Variants in LIMD1 observed in about 807,000 individuals in gnomAD.
The protein encoded by LIMD1 is LIM domain-containing protein 1.
A neutral mutation model predicts 58.4 loss-of-function variants in LIMD1; 23 were observed. That is an observed-to-expected ratio of 0.39 (90% CI 0.28 to 0.56). LIMD1 has a LOEUF of 0.56. LIMD1 is among the 20% of genes least tolerant of loss of function. The pLI, the probability that LIMD1 is intolerant of heterozygous loss-of-function variation, is 0.57. For synonymous variants in LIMD1, 334 were observed against 345.5 expected (o/e 0.97, Z 0.37); for missense variants, 838 against 855.5 (o/e 0.98, Z 0.25).
At chr3:45,611,750 G>A (rs1701526036) in intron 1 of LIMD1, among the ~76,000 whole-genome samples, 1 of 152,200 alleles carries the variant, frequency 6.6e-6, no homozygotes, top group South Asian at 2.1e-4. Context: ...CATCACTGAG[G>A]CTTTGCTTGC....
intron 2 of LIMD1, among the ~76,000 whole-genome samples, chr3:45,651,928 G>A (rs1033008273): frequency 5.0e-5 from 5 of 100,778 alleles, no homozygotes; most frequent in East Asian, 3.2e-4. Context: ...CACCGCACCC[G>A]GCCTGTTATT....
chr3:45,680,537 A>C lies in LIMD1; in HGVS notation c.*3478A>C, dbSNP rs1052411524. On this transcript the variant is annotated 3_prime_UTR_variant, in exon 8 of 8. Coordinates refer to ENST00000273317, the MANE Select transcript of LIMD1 (RefSeq NM_014240.3). ...CACCATGTTGCCCAGGATGGTCTGG[A>C]ACTCCTGGGCTCAAGTGATCTGCCC... is the stretch of plus-strand genomic sequence containing the variant. 4.6e-5 allele frequency: 7 copies of C among 152,056 alleles called. No individual in the cohort carries two copies. Among genetic ancestry groups the C allele is most frequent in the Non-Finnish European group, 8.8e-5 (6 of 68,016 alleles). 9.4% of individuals were successfully genotyped at this position (152,056 alleles called of 1,614,324 possible).
chr3:45,621,555 A>G (rs1701628639), intron 1 of LIMD1, among the ~76,000 whole-genome samples: 2 of 152,138 alleles, frequency 1.3e-5, no homozygotes, highest in Non-Finnish European at 2.9e-5. Context: ...TTTCATTATT[A>G]TAGAAACGTT....
intron 2 of LIMD1, among the ~76,000 whole-genome samples, chr3:45,640,856 G>A (rs567134908): frequency 1.3e-5 from 2 of 152,338 alleles, no homozygotes; most frequent in African/African-American, 2.4e-5. Context: ...GAGTGCAGGG[G>A]CATTGCTGTT....
At chr3:45,624,881 CTTT>C (rs59284051) in intron 1 of LIMD1, among the ~76,000 whole-genome samples, 8 of 138,428 alleles carry the variant, frequency 5.8e-5, no homozygotes, top group African/African-American at 7.9e-5. Flanking sequence ...TGCTATCTTC[CTTT>C]TTTTTTTTTT....
At chr3:45,633,091 C>T (rs1375207426) in intron 1 of LIMD1, among the ~76,000 whole-genome samples, 1 of 152,290 alleles carries the variant, frequency 6.6e-6, no homozygotes, top group Non-Finnish European at 1.5e-5. Flanking sequence ...ATGCTGATGC[C>T]TCTGAATTAC....
chr3:45,632,279 A>G (rs1051219837), intron 1 of LIMD1, among the ~76,000 whole-genome samples: 5 of 152,204 alleles, frequency 3.3e-5, no homozygotes, highest in South Asian at 4.1e-4. Context: ...TTACCAAACA[A>G]TAACCTAACT....
At chr3:45,619,398 G>A (rs1448687762) in intron 1 of LIMD1, among the ~76,000 whole-genome samples, 1 of 152,174 alleles carries the variant, frequency 6.6e-6, no homozygotes, top group Non-Finnish European at 1.5e-5. Context: ...ATAATTTTCA[G>A]TATAAATATG....
rs191820606 is a variant in LIMD1 at position 45,608,551 on chromosome 3, G to T, written c.1408+12264G>T. On this transcript the variant is annotated intron_variant, in intron 1 of 7. Coordinates refer to ENST00000273317, the MANE Select transcript of LIMD1 (RefSeq NM_014240.3). ...AGAGGCCCTGTCTCTAAGAAGTAAG[G>T]AGAATGACGCTGGGCACGTGGCTCA... Among the ~76,000 whole-genome samples the T allele has an allele frequency of 1.3e-3, 191 of 152,264 alleles. 5 individuals carry two copies. The South Asian group carries it at 0.021, about 16-fold the overall frequency.
chr3:45,604,290 C>T (rs575831995), intron 1 of LIMD1, among the ~76,000 whole-genome samples: 2 of 152,296 alleles, frequency 1.3e-5, no homozygotes, highest in Admixed American at 6.5e-5. Flanking sequence ...GATACCGTCT[C>T]GGTCCTCTGT....
chr3:45,596,334 C>G (rs1448865852), intron 1 of LIMD1, 47 bp downstream of exon 1: 1 of 1,465,858 alleles, frequency 6.8e-7, no homozygotes, highest in Non-Finnish European at 9.3e-7. Flanking sequence ...CGATGGGGTT[C>G]TTGAGATTGG....
Position 45,594,817 on chromosome 3 carries a change from A to ACACACACAC in LIMD1, c.-62_-54dup. On this transcript the variant is annotated 5_prime_UTR_variant, in exon 1 of 8. Coordinates refer to ENST00000273317, the MANE Select transcript of LIMD1 (RefSeq NM_014240.3). Reference sequence around the variant, plus strand: ...CACACACACACACACACACACACACACACACACACACACACACACACACAC... The same window carrying ACACACACAC: ...CACACACACACACACACACACACACACACACACACCACACACACACACACACACACACAC... The ACACACACAC allele has an allele frequency of 1.3e-6, 1 of 774,518 alleles. No individual in the cohort carries two copies. The highest frequency in any genetic ancestry group is 1.8e-5 in the African/African-American group (1 of 55,118). The allele number at this position is 774,518 out of a possible 1,614,324, so 48.0% of individuals were successfully genotyped here.
intron 1 of LIMD1, chr3:45,632,411 C>G: frequency 4.4e-6 from 2 of 451,372 alleles, no homozygotes; most frequent in Non-Finnish European, 5.8e-6. Flanking sequence ...ACCCATTTCT[C>G]TGTGTTTAGG....
intron 2 of LIMD1, among the ~76,000 whole-genome samples, chr3:45,653,072 A>G (rs1021095372): frequency 1.3e-5 from 2 of 152,216 alleles, no homozygotes; most frequent in African/African-American, 4.8e-5. Flanking sequence ...GTTGAATTGG[A>G]TAATAACTAC....
At chr3:45,649,847 T>G (rs1035983775) in intron 2 of LIMD1, among the ~76,000 whole-genome samples, 1 of 115,122 alleles carries the variant, frequency 8.7e-6, no homozygotes, top group African/African-American at 4.0e-5. Flanking sequence ...GAAGTTTTTT[T>G]GTTTTTTTTT....
chr3:45,617,117 T>A (rs1559515885), intron 1 of LIMD1, among the ~76,000 whole-genome samples: 1 of 149,564 alleles, frequency 6.7e-6, no homozygotes, highest in South Asian at 2.1e-4. Context: ...CACTGCAGCC[T>A]CTGCCTCTCA....
intron 2 of LIMD1, among the ~76,000 whole-genome samples, chr3:45,641,873 G>C (rs1231460093): frequency 6.6e-6 from 1 of 152,224 alleles, no homozygotes; most frequent in Admixed American, 6.5e-5. Flanking sequence ...GCAGCTAAGT[G>C]GTCTCAGAGC....
chr3:45,635,244 A>C lies in LIMD1; in HGVS notation c.1409-906A>C, dbSNP rs554260355. 1.8e-4 allele frequency among the ~76,000 whole-genome samples: 27 copies of C among 152,022 alleles called. 1 individual carries two copies. The South Asian group carries it at 5.4e-3, about 31-fold the overall frequency. On this transcript the variant is annotated intron_variant, in intron 1 of 7. Transcript: ENST00000273317. ...CAGAGTGAGACTCTGTCTCAAAAAA[A>C]AGTTCTCTCTCTCTCTCTCGATGGA...
intron 4 of LIMD1, among the ~76,000 whole-genome samples, chr3:45,671,010 C>G (rs2125670191): frequency 6.6e-6 from 1 of 152,332 alleles, no homozygotes; most frequent in East Asian, 1.9e-4. Flanking sequence ...TCTAATCTTA[C>G]TTTAGGCACA....
Sources: gnomAD v4.1 joint callset for allele counts (sites outside exome capture counted in the v4.1 genomes callset) on GRCh38, gnomAD v4.1.1 for gene constraint, MANE v1.5 for transcripts, NCBI Gene and HGNC (gene_info 2026-07-23, HGNC 2026-07-21) for gene names.